CTNNBL1: variants seen among roughly 807,000 people sequenced by gnomAD.
CTNNBL1 encodes catenin beta like 1.
Under a neutral mutation model 72.7 loss-of-function variants are expected in CTNNBL1, and 31 were observed. The observed-to-expected ratio is 0.43, with a 90% CI of 0.32 to 0.58. The LOEUF is 0.58. Among genes scored for constraint, CTNNBL1 ranks in the 20% least tolerant of loss-of-function variants. The pLI is 0.08. For missense variants in CTNNBL1, 534 were observed against 725.1 expected (o/e 0.74, Z 3.03); for synonymous variants, 240 against 267.3 (o/e 0.90, Z 1.00).
chr20:37,773,164 T>G (rs747529225), intron 7 of CTNNBL1, among the ~76,000 whole-genome samples: 8 of 152,226 alleles, frequency 5.3e-5, no homozygotes, highest in Non-Finnish European at 1.0e-4. Context: ...TTATATTACA[T>G]GTACAACTGG....
At chr20:37,829,006 T>G (rs896940269) in intron 11 of CTNNBL1, among the ~76,000 whole-genome samples, 1 of 152,206 alleles carries the variant, frequency 6.6e-6, no homozygotes, top group Admixed American at 6.5e-5. Flanking sequence ...TAATCTGTAT[T>G]CCAACACACC....
intron 7 of CTNNBL1, among the ~76,000 whole-genome samples, chr20:37,773,796 T>G (rs967964981): frequency 6.6e-6 from 1 of 152,126 alleles, no homozygotes; most frequent in Non-Finnish European, 1.5e-5. Flanking sequence ...CACCACTAAG[T>G]TTTCATCATC....
chr20:37,825,890 G>T (rs923192411), intron 11 of CTNNBL1, among the ~76,000 whole-genome samples: 1 of 152,190 alleles, frequency 6.6e-6, no homozygotes, highest in Admixed American at 6.5e-5. Context: ...TAGCGATGGG[G>T]TTGGTTTCAC....
intron 7 of CTNNBL1, among the ~76,000 whole-genome samples, chr20:37,774,447 G>C (rs1015723318): frequency 1.3e-5 from 2 of 152,188 alleles, no homozygotes; most frequent in African/African-American, 4.8e-5. Flanking sequence ...AGAGCTCAGC[G>C]TTGGGGAGTT....
intron 12 of CTNNBL1, 74 bp from the exon 13 acceptor site, chr20:37,842,265 A>T: frequency 9.9e-7 from 1 of 1,011,120 alleles, no homozygotes; most frequent in Non-Finnish European, 1.6e-6. Flanking sequence ...CAGTGAGATG[A>T]ATAGGAGTGC....
intron 15 of CTNNBL1, among the ~76,000 whole-genome samples, chr20:37,863,419 C>G (rs1189697317): frequency 6.6e-6 from 1 of 152,166 alleles, no homozygotes; most frequent in Non-Finnish European, 1.5e-5. Flanking sequence ...TTAGAACGTG[C>G]TAAGCACCCG....
intron 13 of CTNNBL1, among the ~76,000 whole-genome samples, chr20:37,851,067 A>G (rs930998855): frequency 2.0e-5 from 3 of 152,194 alleles, no homozygotes; most frequent in Non-Finnish European, 2.9e-5. Flanking sequence ...TAAAATGAGT[A>G]AGTGGCTGGA....
chr20:37,851,928 A>G (rs879393007), intron 13 of CTNNBL1, among the ~76,000 whole-genome samples: 8 of 152,218 alleles, frequency 5.3e-5, no homozygotes, highest in Admixed American at 2.6e-4. Context: ...CTGAAACCCA[A>G]TGGTAGTCAT....
chr20:37,864,938 C>T (rs566221147), intron 15 of CTNNBL1, among the ~76,000 whole-genome samples: 162 of 152,234 alleles, frequency 1.1e-3, no homozygotes, highest in African/African-American at 3.8e-3. Context: ...CTCTGGTCCT[C>T]ACAACAGGCC....
intron 5 of CTNNBL1, among the ~76,000 whole-genome samples, chr20:37,759,459 AT>A (rs1313770214): frequency 3.3e-5 from 5 of 152,260 alleles, no homozygotes; most frequent in Admixed American, 2.0e-4. Flanking sequence ...AGAAACAGCA[AT>A]TCACTCAAAA....
At position 37,803,015 on chromosome 20, in the gene CTNNBL1, A is replaced by G; in HGVS notation, c.1180A>G (p.Lys394Glu). The G allele has an allele frequency of 6.2e-7, 1 of 1,614,172 alleles. No homozygotes were observed. The highest frequency in any genetic ancestry group is 8.5e-7 in the Non-Finnish European group (1 of 1,180,006). Residue 394 changes from lysine (K) to glutamate (E), a missense_variant, in exon 11 of 16, where the codon AAG becomes GAG. By Grantham distance (56) the Lys-to-Glu change is moderately conservative (BLOSUM62 1). Coordinates refer to ENST00000361383, the MANE Select transcript of CTNNBL1 (RefSeq NM_030877.5). ...CTTTATGAAATCTCCCAGGAAGATC[A>G]AGAAAGTGGGAACCACTGAGAAGGA... The part of the protein sequence containing the change: ...PLFMKSPRKI[K>E]KVGTTEKEHE...
intron 5 of CTNNBL1, among the ~76,000 whole-genome samples, chr20:37,758,136 G>A (rs1012348069): frequency 6.6e-6 from 1 of 152,202 alleles, no homozygotes; most frequent in Admixed American, 6.5e-5. Context: ...CTAATCCCAA[G>A]TGCCAGTGAG....
At chr20:37,772,521 T>G (rs1160329506) in intron 7 of CTNNBL1, among the ~76,000 whole-genome samples, 2 of 152,184 alleles carry the variant, frequency 1.3e-5, no homozygotes, top group Non-Finnish European at 2.9e-5. Context: ...GCTAATTTTT[T>G]GTATTTTTAG....
intron 10 of CTNNBL1, among the ~76,000 whole-genome samples, chr20:37,785,104 A>G (rs569474391): frequency 1.3e-5 from 2 of 152,300 alleles, no homozygotes; most frequent in South Asian, 4.1e-4. Context: ...CCTGGCCTGT[A>G]AGGTTTCCAC....
At chr20:37,837,713 C>T (rs6123046) in intron 11 of CTNNBL1, among the ~76,000 whole-genome samples, 1 of 152,162 alleles carries the variant, frequency 6.6e-6, no homozygotes, top group African/African-American at 2.4e-5. Context: ...CAAAAGTGGC[C>T]TGTTTGCCCC....
chr20:37,696,435 CTTTTTTTTTTT>C (rs57358123), intron 1 of CTNNBL1, among the ~76,000 whole-genome samples: 3 of 89,590 alleles, frequency 3.3e-5, no homozygotes, highest in East Asian at 3.6e-4. Context: ...TGTACAATAT[CTTTTTTTTTTT>C]TTTTTTTTTT....
At chr20:37,779,909 G>C (rs1230329685) in intron 10 of CTNNBL1, among the ~76,000 whole-genome samples, 1 of 151,958 alleles carries the variant, frequency 6.6e-6, no homozygotes, top group Admixed American at 6.6e-5. Flanking sequence ...TCTTATATTA[G>C]TTTCACAGTT....
At position 37,694,161 on chromosome 20, in the gene CTNNBL1, G is replaced by T. The variant is rs1164282760; in HGVS notation, c.30+9G>T. 1.3e-6 allele frequency: 2 copies of T among 1,587,478 alleles called. No homozygotes were observed. Among genetic ancestry groups the T allele is most frequent in the Admixed American group, 3.6e-5 (2 of 54,954 alleles). On this transcript the variant is annotated intron_variant, in intron 1 of 15. Transcript: ENST00000361383. ...AACTTCTGAGCTACCAGGTATGAGG[G>T]GCAGGGAGGGCCGAGCGACCGCGTT...
chr20:37,786,014 C>T (rs887397004), intron 10 of CTNNBL1, among the ~76,000 whole-genome samples: 1 of 152,312 alleles, frequency 6.6e-6, no homozygotes, highest in South Asian at 2.1e-4. Flanking sequence ...TGTAGAGGTA[C>T]CACCTTGGTG....
Sources: allele counts gnomAD v4.1 joint callset (sites outside exome capture counted in the v4.1 genomes callset), GRCh38; gene constraint gnomAD v4.1.1; transcripts MANE v1.5; gene names NCBI Gene and HGNC (gene_info 2026-07-23, HGNC 2026-07-21).